Variants in CACNA1E observed in about 807,000 individuals in gnomAD.
CACNA1E encodes voltage-dependent R-type calcium channel subunit alpha-1E.
Under a neutral mutation model 259.2 loss-of-function variants are expected in CACNA1E, and 40 were observed. That is an observed-to-expected ratio of 0.15 (90% CI 0.12 to 0.20). CACNA1E has a LOEUF of 0.20. Among genes scored for constraint, CACNA1E ranks in the 10% least tolerant of loss-of-function variants. The pLI is 1.00. For synonymous variants in CACNA1E, 1,104 were observed against 1,138.5 expected, an observed-to-expected ratio of 0.97 and a Z score of 0.61; for missense variants, 1,874 against 3,040.1, an observed-to-expected ratio of 0.62 and a Z score of 9.02.
rs1026247511 is a variant in CACNA1E, at chr1:181,456,486, G to T, written c.435-27258G>T. ...ACATACTCAGACACCCACCTCCTTT[G>T]CTTGGTGTCTTCAATCTTTCCATAC... is the stretch of plus-strand genomic sequence containing the variant. On this transcript the variant is annotated intron_variant, in intron 2 of 11. Transcript: ENST00000524607. Among the ~76,000 whole-genome samples, 8 of 152,240 alleles carry T rather than the reference G, an allele frequency of 5.3e-5. No homozygotes were observed. The East Asian group carries it at 5.8e-4, about 11-fold the overall frequency.
rs368664580 is a variant in CACNA1E, at chr1:181,732,945, C to T, written c.2859C>T (p.Pro953=). Reference sequence around the variant, plus strand: ...AACGCAGTCTGGATGAAGCCATGCCCACTGAAGGGGAGAAGGACCATGAGC... The same window carrying T: ...AACGCAGTCTGGATGAAGCCATGCCTACTGAAGGGGAGAAGGACCATGAGC... ...SQERSLDEAM[P]TEGEKDHELR... is the part of the protein sequence containing the mutation. The change falls in exon 20 of 48, where the codon CCC becomes CCT. Residue 953 remains proline, a synonymous_variant. Transcript: ENST00000367573. The surrounding 1 kb of genome is among the most constrained non-coding windows in gnomAD (Gnocchi z 5.5). 6.3e-5 allele frequency: 102 copies of T among 1,613,906 alleles called. No individual in the cohort carries two copies. The highest frequency in any genetic ancestry group is 1.1e-5 in the South Asian group (1 of 91,090).
At chr1:181,642,691 T>C (rs916054342) in intron 6 of CACNA1E, among the ~76,000 whole-genome samples, 1 of 152,152 alleles carries the variant, frequency 6.6e-6, no homozygotes, top group Non-Finnish European at 1.5e-5. Flanking sequence ...TCTTTAATCC[T>C]CTCTTAAATT....
At chr1:181,713,250 A>G (rs998311204) in intron 8 of CACNA1E, among the ~76,000 whole-genome samples, 4 of 152,202 alleles carry the variant, frequency 2.6e-5, no homozygotes, top group Non-Finnish European at 5.9e-5. Context: ...CCCAAAGCCC[A>G]GACACTGTGC....
chr1:181,645,577 T>G (rs1316821451), intron 6 of CACNA1E, among the ~76,000 whole-genome samples: 1 of 152,248 alleles, frequency 6.6e-6, no homozygotes, highest in African/African-American at 2.4e-5. Flanking sequence ...GACTCCCGTG[T>G]TATTGTTTTC....
rs1350235743 is a variant in CACNA1E, at chr1:181,798,323, C to T, written c.6431C>T (p.Pro2144Leu). ...GTGSLSESSI[P>L]SVSDTSTPRR... is the part of the protein sequence containing the mutation. Reference sequence around the variant, plus strand: ...GGTTCCCTAAGTGAGAGCTCCATCCCCTCTGTCTCTGACACCAGCACCCCA... The same window carrying T: ...GGTTCCCTAAGTGAGAGCTCCATCCTCTCTGTCTCTGACACCAGCACCCCA... The change falls in exon 48 of 48, where the codon CCC becomes CTC. Residue 2144 changes from proline (P) to leucine (L), a missense_variant. By Grantham distance (98) the Pro-to-Leu change is moderately conservative. This residue lies in a region of CACNA1E where 542 missense variants were observed against 587.2 expected (regional missense o/e 0.92). Coordinates refer to ENST00000367573, the MANE Select transcript of CACNA1E (RefSeq NM_001205293.3). This position sits in a 1 kb window ranked among gnomAD's most constrained non-coding sequence, Gnocchi z 4.2. 4 of 1,603,798 alleles carry T rather than the reference C, an allele frequency of 2.5e-6. No homozygotes were observed. The highest frequency in any genetic ancestry group is 3.4e-6 in the Non-Finnish European group (4 of 1,176,414).
At chr1:181,360,887 T>C (rs1394249291) in intron 1 of CACNA1E, among the ~76,000 whole-genome samples, 1 of 152,020 alleles carries the variant, frequency 6.6e-6, no homozygotes, top group African/African-American at 2.4e-5. Flanking sequence ...TTCCAAGATC[T>C]TGTTGCCCCC....
chr1:181,671,858 C>T (rs1367342433), intron 7 of CACNA1E, among the ~76,000 whole-genome samples: 3 of 152,168 alleles, frequency 2.0e-5, no homozygotes, highest in East Asian at 3.8e-4. Flanking sequence ...GCAGAACTAC[C>T]ATTTGACCCA....
chr1:181,635,046 C>T (rs1306406121), intron 6 of CACNA1E, among the ~76,000 whole-genome samples: 1 of 152,260 alleles, frequency 6.6e-6, no homozygotes, highest in East Asian at 1.9e-4. Flanking sequence ...AGCACCTCTA[C>T]ACTGGCTTTC....
At chr1:181,528,299 G>C (rs1318268997) in intron 3 of CACNA1E, among the ~76,000 whole-genome samples, 1 of 151,720 alleles carries the variant, frequency 6.6e-6, no homozygotes, top group Non-Finnish European at 1.5e-5. Context: ...TAAGAAGTAT[G>C]TTTCACCTCC....
At chr1:181,505,682 T>A (rs1472985565) in intron 1 of CACNA1E, among the ~76,000 whole-genome samples, 1 of 152,126 alleles carries the variant, frequency 6.6e-6, no homozygotes, top group African/African-American at 2.4e-5. Flanking sequence ...CCTTCTCTTT[T>A]TTTTTTTAAA....
At chr1:181,676,719 A>G (rs1019364247) in intron 7 of CACNA1E, among the ~76,000 whole-genome samples, 10 of 152,200 alleles carry the variant, frequency 6.6e-5, no homozygotes, top group African/African-American at 1.7e-4. Flanking sequence ...AATATCCCCT[A>G]TGGAGGACAG....
chr1:181,684,521 C>T (rs1173309372), intron 7 of CACNA1E, among the ~76,000 whole-genome samples: 1 of 152,084 alleles, frequency 6.6e-6, no homozygotes, highest in Non-Finnish European at 1.5e-5. Flanking sequence ...GTTGCAATTG[C>T]TTTTAGAGTC....
chr1:181,434,818 G>A (rs596393), intron 2 of CACNA1E, among the ~76,000 whole-genome samples: 116,476 of 152,158 alleles, frequency 0.77, 45,567 homozygotes, highest in African/African-American at 0.93. Context: ...ATTGCAAGGT[G>A]TGAGACATGC....
chr1:181,567,486 C>G (rs1474537434), intron 3 of CACNA1E, among the ~76,000 whole-genome samples: 1 of 152,180 alleles, frequency 6.6e-6, no homozygotes, highest in Non-Finnish European at 1.5e-5. Context: ...AAAAGAAACT[C>G]CAAACCAACC....
intron 6 of CACNA1E, among the ~76,000 whole-genome samples, chr1:181,638,772 C>G (rs1050507900): frequency 6.6e-6 from 1 of 152,198 alleles, no homozygotes; most frequent in Non-Finnish European, 1.5e-5. Context: ...CTCACAAGAT[C>G]TGGTGGTTTT....
chr1:181,569,506 G>A (rs1341741375), intron 3 of CACNA1E, among the ~76,000 whole-genome samples: 1 of 152,182 alleles, frequency 6.6e-6, no homozygotes, highest in East Asian at 1.9e-4. Context: ...ATAAAATGAA[G>A]TAAAGTCTCC....
chr1:181,638,092 G>A (rs1489789610), intron 6 of CACNA1E, among the ~76,000 whole-genome samples: 1 of 152,162 alleles, frequency 6.6e-6, no homozygotes, highest in Non-Finnish European at 1.5e-5. Context: ...AGATGTGTTG[G>A]TTAGAAATGA....
At chr1:181,557,754 A>C (rs1648886901) in intron 3 of CACNA1E, among the ~76,000 whole-genome samples, 1 of 152,194 alleles carries the variant, frequency 6.6e-6, no homozygotes, top group Non-Finnish European at 1.5e-5. Flanking sequence ...CATGGGTCTC[A>C]GTGCTCATGA....
At chr1:181,784,850 C>A in intron 41 of CACNA1E, 82 bp downstream of exon 41, 1 of 795,968 alleles carries the variant, frequency 1.3e-6, no homozygotes, top group South Asian at 1.6e-5. Context: ...CCAGAGTGAT[C>A]AAAGAGATAA....
Sources: gnomAD v4.1 joint callset for allele counts (sites outside exome capture counted in the v4.1 genomes callset) on GRCh38, gnomAD v4.1.1 for gene constraint, gnomAD v4.1.1 regional missense constraint, Gnocchi (gnomAD v3.1) non-coding constraint, MANE v1.5 for transcripts, NCBI Gene and HGNC (gene_info 2026-07-23, HGNC 2026-07-21) for gene names.